Variants in APBB1IP observed in about 807,000 individuals in gnomAD.
The protein encoded by APBB1IP is amyloid beta A4 precursor protein-binding family B member 1-interacting protein.
APBB1IP carries 27 observed loss-of-function variants against 64.9 expected under a neutral mutation model. The observed-to-expected ratio is 0.42, with a 90% CI of 0.31 to 0.57. The LOEUF (loss-of-function observed/expected upper bound fraction) is 0.57. Among genes scored for constraint, APBB1IP ranks in the 20% least tolerant of loss-of-function variants. The pLI, the probability that APBB1IP is intolerant of heterozygous loss-of-function variation, is 0.20. For missense variants in APBB1IP, 812 were observed against 845.5 expected (o/e 0.96, Z 0.49); for synonymous variants, 392 against 331.0 (o/e 1.18, Z -2.00).
intron 6 of APBB1IP, among the ~76,000 whole-genome samples, chr10:26,506,506 T>C (rs1341963277): frequency 1.3e-5 from 2 of 152,138 alleles, no homozygotes; most frequent in East Asian, 3.9e-4. Context: ...CTTCAGCCTG[T>C]CAAAGTTCTG....
rs59353776 is a variant in APBB1IP, at chr10:26,529,268, C to A, written c.814-4171C>A. Among the ~76,000 whole-genome samples the A allele has an allele frequency of 6.4e-3, 969 of 152,374 alleles. 17 individuals are homozygous for A. Among genetic ancestry groups the A allele is most frequent in the South Asian group, 0.055 (267 of 4,834 alleles). On this transcript the variant is annotated intron_variant, in intron 8 of 14. Transcript: ENST00000376236. ...CAGAACAGCCCGCATTGAGTGGGCG[C>A]CCACACCGCAGGTGGAAGTTCCGAT...
intron 11 of APBB1IP, among the ~76,000 whole-genome samples, chr10:26,557,254 T>C (rs746712070): frequency 9.2e-5 from 14 of 152,208 alleles, no homozygotes; most frequent in Non-Finnish European, 1.8e-4. Context: ...TCAAAAGTGT[T>C]TGCTGTCATC....
At chr10:26,555,172 G>A (rs1836880097) in intron 11 of APBB1IP, among the ~76,000 whole-genome samples, 1 of 152,076 alleles carries the variant, frequency 6.6e-6, no homozygotes, top group Non-Finnish European at 1.5e-5. Context: ...CCCTCCCTCA[G>A]TTCGATCTTA....
chr10:26,526,296 G>A (rs1395330448), intron 8 of APBB1IP, among the ~76,000 whole-genome samples: 1 of 152,176 alleles, frequency 6.6e-6, no homozygotes, highest in Non-Finnish European at 1.5e-5. Context: ...GGTAAAGTCA[G>A]TTCACGTAAG....
intron 8 of APBB1IP, among the ~76,000 whole-genome samples, chr10:26,517,427 G>T (rs1454842462): frequency 6.6e-6 from 1 of 152,164 alleles, no homozygotes; most frequent in African/African-American, 2.4e-5. Context: ...TATATGAAAT[G>T]GAATTATATC....
At chr10:26,533,569 G>C (rs758029433) in intron 9 of APBB1IP, 44 bp downstream of exon 9, 5 of 1,336,434 alleles carry the variant, frequency 3.7e-6, no homozygotes, top group Non-Finnish European at 5.1e-6. Context: ...AAGGACGTTT[G>C]CTCTATTTTT....
At position 26,533,532 on chromosome 10, in the gene APBB1IP, T is replaced by G; in HGVS notation, c.900+7T>G. 1.3e-6 allele frequency: 2 copies of G among 1,574,318 alleles called. No individual in the cohort carries two copies. The highest frequency in any genetic ancestry group is 1.7e-6 in the Non-Finnish European group (2 of 1,159,222). ...CAAGGAATCCTTACTTGAGGTAAGG[T>G]TAATTTTGCAGAGTGGAAGAAAAGA... is the stretch of plus-strand genomic sequence containing the variant. On this transcript the variant is annotated splice_region_variant and intron_variant, in intron 9 of 14. Coordinates refer to ENST00000376236, the MANE Select transcript of APBB1IP (RefSeq NM_019043.4).
At chr10:26,540,197 G>A (rs1226075603) in intron 10 of APBB1IP, among the ~76,000 whole-genome samples, 2 of 152,142 alleles carry the variant, frequency 1.3e-5, no homozygotes, top group Non-Finnish European at 2.9e-5. Flanking sequence ...CGTTACACCT[G>A]TACCGTAGAA....
chr10:26,494,444 C>T (rs1564360309), intron 3 of APBB1IP, among the ~76,000 whole-genome samples: 1 of 152,118 alleles, frequency 6.6e-6, no homozygotes, highest in Admixed American at 6.5e-5. Context: ...AGCCAATATT[C>T]CTAAATAAGA....
At chr10:26,536,994 T>C (rs969672519) in intron 10 of APBB1IP, among the ~76,000 whole-genome samples, 3 of 152,110 alleles carry the variant, frequency 2.0e-5, no homozygotes, top group Non-Finnish European at 4.4e-5. Flanking sequence ...TGAATTTCCC[T>C]TCCTAATTTA....
intron 3 of APBB1IP, among the ~76,000 whole-genome samples, chr10:26,494,652 C>G (rs1197031629): frequency 1.3e-5 from 2 of 151,976 alleles, no homozygotes; most frequent in East Asian, 3.9e-4. Context: ...TGGTGAAACC[C>G]CATCTTTACT....
At chr10:26,466,493 T>C (rs189234579) in intron 2 of APBB1IP, among the ~76,000 whole-genome samples, 12 of 152,326 alleles carry the variant, frequency 7.9e-5, no homozygotes, top group African/African-American at 2.6e-4. Flanking sequence ...ATTAAGTGAA[T>C]ATTTGCTTCA....
chr10:26,560,335 C>T (rs916178417), intron 12 of APBB1IP, 132 bp downstream of exon 12: 35 of 789,696 alleles, frequency 4.4e-5, no homozygotes, highest in Admixed American at 3.5e-4. Context: ...CAGGTTTATT[C>T]GCCCAGTGGG....
At chr10:26,483,093 A>T (rs199695958) in intron 2 of APBB1IP, among the ~76,000 whole-genome samples, 4 of 10,264 alleles carry the variant, frequency 3.9e-4, no homozygotes, top group Middle Eastern at 0.031. Flanking sequence ...TCCATCTGAT[A>T]AAAAAAAAAA....
intron 2 of APBB1IP, among the ~76,000 whole-genome samples, chr10:26,475,374 G>T (rs889022120): frequency 6.6e-6 from 1 of 152,076 alleles, no homozygotes; most frequent in Non-Finnish European, 1.5e-5. Context: ...CTGCCCACCT[G>T]GGCCTCCCAG....
chr10:26,526,309 G>A (rs765408040), intron 8 of APBB1IP, among the ~76,000 whole-genome samples: 3 of 152,126 alleles, frequency 2.0e-5, no homozygotes, highest in Non-Finnish European at 4.4e-5. Flanking sequence ...CACGTAAGGC[G>A]CAAACTTACA....
At chr10:26,547,295 T>C (rs36019146) in intron 11 of APBB1IP, among the ~76,000 whole-genome samples, 13,453 of 152,280 alleles carry the variant, frequency 0.088, 880 homozygotes, top group East Asian at 0.2. Flanking sequence ...ATATTCTTCT[T>C]ATTAACCCTT....
At chr10:26,506,493 C>T (rs1354259977) in intron 6 of APBB1IP, among the ~76,000 whole-genome samples, 1 of 152,138 alleles carries the variant, frequency 6.6e-6, no homozygotes, top group African/African-American at 2.4e-5. Flanking sequence ...AGCAATCCTC[C>T]CACTTCAGCC....
intron 13 of APBB1IP, chr10:26,561,841 T>A (rs1206793086): frequency 6.6e-6 from 1 of 152,476 alleles, no homozygotes; most frequent in Non-Finnish European, 1.5e-5. Context: ...CTGTGTCCAA[T>A]GTACTTTTTG....
Sources: allele counts gnomAD v4.1 joint callset (sites outside exome capture counted in the v4.1 genomes callset), GRCh38; gene constraint gnomAD v4.1.1; transcripts MANE v1.5; gene names NCBI Gene and HGNC (gene_info 2026-07-23, HGNC 2026-07-21).